Variants in AFF3 observed in about 807,000 individuals in gnomAD.
AFF3 encodes AF4/FMR2 family member 3.
In AFF3, 32 loss-of-function variants were observed where a neutral mutation model predicts 129.7. The observed-to-expected ratio is 0.25, with a 90% CI of 0.19 to 0.33. AFF3 has a LOEUF of 0.33. Ranked by LOEUF, AFF3 falls within the 10% of genes least tolerant of loss-of-function variation. The pLI, the probability that AFF3 is intolerant of heterozygous loss-of-function variation, is 1.00. For synonymous variants in AFF3, 644 were observed against 635.4 expected (o/e 1.01, Z -0.20); for missense variants, 1,373 against 1,592.0 (o/e 0.86, Z 2.34).
intron 11 of AFF3, among the ~76,000 whole-genome samples, chr2:99,681,727 T>A (rs1674541266): frequency 6.6e-6 from 1 of 152,192 alleles, no homozygotes; most frequent in Non-Finnish European, 1.5e-5. Context: ...TCCTTGATCT[T>A]GGACTCCCCG....
At chr2:99,570,193 T>G (rs1208424304) in intron 18 of AFF3, among the ~76,000 whole-genome samples, 2 of 152,212 alleles carry the variant, frequency 1.3e-5, no homozygotes, top group African/African-American at 4.8e-5. Flanking sequence ...CTCTCTTGCA[T>G]CTCCTGGGTG....
At chr2:99,803,789 C>A (rs1686136726) in intron 8 of AFF3, among the ~76,000 whole-genome samples, 1 of 152,104 alleles carries the variant, frequency 6.6e-6, no homozygotes, top group Non-Finnish European at 1.5e-5. Context: ...ATACTTACAA[C>A]CAACTGATCT....
At chr2:100,022,832 A>G (rs1036627301) in intron 4 of AFF3, among the ~76,000 whole-genome samples, 1 of 150,800 alleles carries the variant, frequency 6.6e-6, no homozygotes, top group Non-Finnish European at 1.5e-5. Context: ...AAGAGAGCCC[A>G]TGAAGACGGC....
intron 8 of AFF3, among the ~76,000 whole-genome samples, chr2:99,784,865 TA>T (rs1482455396): frequency 1.3e-5 from 2 of 152,212 alleles, no homozygotes; most frequent in Non-Finnish European, 2.9e-5. Flanking sequence ...TTTAAGTTAT[TA>T]GAGTTTAAAA....
At chr2:99,925,161 A>G (rs1696135365) in intron 7 of AFF3, among the ~76,000 whole-genome samples, 1 of 152,156 alleles carries the variant, frequency 6.6e-6, no homozygotes, top group Non-Finnish European at 1.5e-5. Flanking sequence ...TACAGGTGTG[A>G]GCTACCACAC....
At chr2:99,909,357 G>A (rs1195220524) in intron 7 of AFF3, among the ~76,000 whole-genome samples, 2 of 130,074 alleles carry the variant, frequency 1.5e-5, no homozygotes, top group African/African-American at 5.7e-5. Flanking sequence ...GGAGGGGGGA[G>A]GGATAGCATT....
chr2:99,717,540 T>C (rs933749561), intron 11 of AFF3, among the ~76,000 whole-genome samples: 1 of 152,238 alleles, frequency 6.6e-6, no homozygotes, highest in Non-Finnish European at 1.5e-5. Flanking sequence ...CTTTTGTCTG[T>C]TCAAAGCTTT....
At chr2:99,914,793 G>A (rs1052402047) in intron 7 of AFF3, among the ~76,000 whole-genome samples, 2 of 152,082 alleles carry the variant, frequency 1.3e-5, no homozygotes, top group South Asian at 2.1e-4. Flanking sequence ...GGTGGCACAC[G>A]TGTGTAATCC....
At chr2:99,960,485 T>C (rs1677109457) in intron 7 of AFF3, among the ~76,000 whole-genome samples, 1 of 152,184 alleles carries the variant, frequency 6.6e-6, no homozygotes, top group African/African-American at 2.4e-5. Context: ...TAGCACCATA[T>C]GGACTAACTC....
intron 8 of AFF3, among the ~76,000 whole-genome samples, chr2:99,763,467 G>T (rs1682775518): frequency 6.6e-6 from 1 of 152,164 alleles, no homozygotes; most frequent in Non-Finnish European, 1.5e-5. Flanking sequence ...AGGATCTCTT[G>T]AGCCTAGGAA....
In AFF3 at chr2:99,971,146, G is replaced by A. The variant is rs1223753422; in HGVS notation, c.873+35486C>T. Among the ~76,000 whole-genome samples, 5 of 152,144 alleles carry A rather than the reference G, an allele frequency of 3.3e-5. No individual in the cohort carries two copies. The East Asian group carries it at 5.8e-4, about 18-fold the overall frequency. On this transcript the variant is annotated intron_variant, in intron 7 of 24. Transcript: ENST00000672756. ...CTCCAATTTGTTCTCCCTTCACCTC[G>A]GTGGGATGGTGAATCTCCAGGTCCT...
intron 7 of AFF3, among the ~76,000 whole-genome samples, chr2:99,875,654 C>G (rs1244416685): frequency 6.6e-6 from 1 of 152,114 alleles, no homozygotes; most frequent in Non-Finnish European, 1.5e-5. Context: ...ATGGCAAGTA[C>G]TCAATATAGA....
chr2:99,615,939 G>T (rs1681381222), intron 13 of AFF3, among the ~76,000 whole-genome samples: 1 of 152,248 alleles, frequency 6.6e-6, no homozygotes, highest in Non-Finnish European at 1.5e-5. Context: ...CAGGCACCAG[G>T]TCTATGGGGA....
At chr2:99,609,235 T>C (rs1680678128) in intron 13 of AFF3, among the ~76,000 whole-genome samples, 1 of 152,204 alleles carries the variant, frequency 6.6e-6, no homozygotes, top group Non-Finnish European at 1.5e-5. Context: ...TAATTTTTTA[T>C]TTCCATAGGT....
intron 4 of AFF3, among the ~76,000 whole-genome samples, chr2:100,025,849 T>G (rs1683992514): frequency 6.6e-6 from 1 of 152,202 alleles, no homozygotes. Context: ...TAGCCAGATG[T>G]AGGAGAATGA....
In AFF3 at chr2:99,583,997, C is replaced by G. The variant is rs528496716; in HGVS notation, c.2592-998G>C. 4.6e-5 allele frequency among the ~76,000 whole-genome samples: 7 copies of G among 152,220 alleles called. No homozygotes were observed. The East Asian group carries it at 1.4e-3, about 29-fold the overall frequency. ...GGATTACAGGCGTGAGCTACCGTGCCCAGTCCATATTCCACATTTCTAAAA... is the reference window on the plus strand; with the variant it reads ...GGATTACAGGCGTGAGCTACCGTGCGCAGTCCATATTCCACATTTCTAAAA... On this transcript the variant is annotated intron_variant, in intron 16 of 24. Coordinates refer to ENST00000672756, the MANE Select transcript of AFF3 (RefSeq NM_001386135.1).
At chr2:99,660,248 T>A (rs935893160) in intron 12 of AFF3, among the ~76,000 whole-genome samples, 2 of 152,240 alleles carry the variant, frequency 1.3e-5, no homozygotes, top group African/African-American at 4.8e-5. Flanking sequence ...TGTTACTTTG[T>A]TTTTGTAGAA....
At chr2:100,077,694 T>C (rs2105336557) in intron 4 of AFF3, among the ~76,000 whole-genome samples, 1 of 152,326 alleles carries the variant, frequency 6.6e-6, no homozygotes, top group East Asian at 1.9e-4. Flanking sequence ...GAAATCTAGC[T>C]AATACCCAAA....
chr2:99,679,570 T>C (rs1674337218), intron 11 of AFF3, among the ~76,000 whole-genome samples: 1 of 152,172 alleles, frequency 6.6e-6, no homozygotes. Flanking sequence ...TCAACTGTCT[T>C]TCCCAACAGT....
Sources: gnomAD v4.1 joint callset for allele counts (sites outside exome capture counted in the v4.1 genomes callset) on GRCh38, gnomAD v4.1.1 for gene constraint, MANE v1.5 for transcripts, NCBI Gene and HGNC (gene_info 2026-07-23, HGNC 2026-07-21) for gene names.